The following PREB variants were observed in gnomAD, a reference collection of about 807,000 sequenced individuals.
PREB encodes the protein guanine nucleotide-exchange factor SEC12.
A neutral mutation model predicts 46.7 loss-of-function variants in PREB; 29 were observed. The ratio of observed to expected loss-of-function variants is 0.62; its 90% CI spans 0.46 to 0.85. The LOEUF is 0.85. Ranked by LOEUF, PREB falls within the 40% of genes least tolerant of loss-of-function variation. The pLI is 0.00. For synonymous variants in PREB, 224 were observed against 220.1 expected (o/e 1.02, Z -0.16); for missense variants, 494 against 528.4 (o/e 0.93, Z 0.64).
Position 27,132,970 on chromosome 2 carries a change from C to T in PREB, c.547-47G>A. On this transcript the variant is annotated intron_variant, in intron 3 of 8. Transcript: ENST00000260643. The surrounding 1 kb of genome is among the most constrained non-coding windows in gnomAD (Gnocchi z 4.0). ...GGTTAACTCAGGTGTCCAGCAAGTA[C>T]ACTGTGACTGATGCCCACGCCACCC... 1 of 1,606,364 alleles carries T rather than the reference C, an allele frequency of 6.2e-7. No homozygotes were observed. Among genetic ancestry groups the T allele is most frequent in the Non-Finnish European group, 8.5e-7 (1 of 1,173,348 alleles).
At position 27,131,509 on chromosome 2, in the gene PREB, C is replaced by G; in HGVS notation, c.1160-1G>C. ...AGCAGGAGCCACACAGGAACACTCCCTGCAGGAGGGAAAGGGAGGAGGTCA... is the reference window on the plus strand; with the variant it reads ...AGCAGGAGCCACACAGGAACACTCCGTGCAGGAGGGAAAGGGAGGAGGTCA... On this transcript the variant is annotated splice_acceptor_variant, in intron 8 of 8. Transcript: ENST00000260643. LOFTEE classifies it high-confidence loss of function. 6.3e-7 allele frequency: 1 copy of G among 1,592,058 alleles called. No individual in the cohort carries two copies. The highest frequency in any genetic ancestry group is 2.3e-5 in the East Asian group (1 of 43,502).
At position 27,132,292 on chromosome 2, in the gene PREB, G is replaced by C; in HGVS notation, c.864C>G (p.Ser288=). ...ACTTGGTCCGAAGGGGCAAGAAGTT[G>C]GAGCCATCCCAGGCTGTGAGGTAGC... is the stretch of plus-strand genomic sequence containing the variant. ...PPCYLTAWDG[S]NFLPLRTKSC... is the part of the protein sequence containing the mutation. The change falls in exon 6 of 9, where the codon TCC becomes TCG. Residue 288 remains serine (S), a synonymous_variant. Coordinates refer to ENST00000260643, the MANE Select transcript of PREB (RefSeq NM_013388.6). The surrounding 1 kb of genome is among the most constrained non-coding windows in gnomAD (Gnocchi z 4.0). 6.2e-7 allele frequency: 1 copy of C among 1,614,190 alleles called. No individual in the cohort carries two copies. The highest frequency in any genetic ancestry group is 8.5e-7 in the Non-Finnish European group (1 of 1,180,010).
intron 3 of PREB, 88 bp downstream of exon 3, chr2:27,133,029 C>G: frequency 6.3e-7 from 1 of 1,582,182 alleles, no homozygotes; most frequent in Non-Finnish European, 8.7e-7. Context: ...GCTTCATTCA[C>G]AAGTTTCCCA....
rs371239052 is a variant in PREB at position 27,133,557 on chromosome 2, C to A, written c.300G>T (p.Gln100His). 1.2e-6 allele frequency: 2 copies of A among 1,613,948 alleles called. No homozygotes were observed. Among genetic ancestry groups the A allele is most frequent in the Non-Finnish European group, 1.7e-6 (2 of 1,179,870 alleles). The change falls in exon 2 of 9, where the codon CAG becomes CAT. Residue 100 changes from glutamine (Q) to histidine (H), a missense_variant. Coordinates refer to ENST00000260643, the MANE Select transcript of PREB (RefSeq NM_013388.6). Reference protein sequence around the residue: ...CQLLRFQAHQQQGNKAEKAGS... With the variant: ...CQLLRFQAHQHQGNKAEKAGS... ...CGGCCTTCTCTGCCTTGTTGCCCTGCTGTTGATGTGCCTGGAAGCGCAGGA... is the reference window on the plus strand; with the variant it reads ...CGGCCTTCTCTGCCTTGTTGCCCTGATGTTGATGTGCCTGGAAGCGCAGGA...
Position 27,132,945 on chromosome 2 carries a change from G to C in PREB, c.547-22C>G. On this transcript the variant is annotated intron_variant, in intron 3 of 8. Coordinates refer to ENST00000260643, the MANE Select transcript of PREB (RefSeq NM_013388.6). The surrounding 1 kb of genome is among the most constrained non-coding windows in gnomAD (Gnocchi z 4.0). ...GCACCTGTAGCCAAACAACCACCAT[G>C]GTTAACTCAGGTGTCCAGCAAGTAC... The C allele has an allele frequency of 5.0e-6, 8 of 1,613,296 alleles. No homozygotes were observed. The highest frequency in any genetic ancestry group is 6.8e-6 in the Non-Finnish European group (8 of 1,179,444).
Position 27,131,737 on chromosome 2 carries a change from T to C in PREB, c.1094A>G (p.His365Arg). Residue 365 changes from histidine to arginine, a missense_variant, in exon 8 of 9, where the codon CAT (histidine) becomes CGT (arginine). Physicochemically the swap from His to Arg is conservative, Grantham distance 29. Transcript: ENST00000260643. ...KGRGPELLGS[H>R]ETALFSVAVD... ...AGCCACAGAGAACAGGGCAGTTTCA[T>C]GGGACCCAAGGAGCTCTGGACCACG... 6.2e-7 allele frequency: 1 copy of C among 1,614,112 alleles called. No homozygotes were observed. The highest frequency in any genetic ancestry group is 8.5e-7 in the Non-Finnish European group (1 of 1,180,000).
At chr2:27,134,026 C>G in intron 1 of PREB, 1 of 616,544 alleles carries the variant, frequency 1.6e-6, no homozygotes, top group Non-Finnish European at 2.8e-6. Context: ...TATAAGACCC[C>G]TGGAGCTGCT....
rs1306702825 is a variant in PREB at position 27,132,492 on chromosome 2, TG to T, written c.753-90del. The T allele has an allele frequency of 1.1e-5, 17 of 1,590,606 alleles. No homozygotes were observed. The East Asian group carries it at 3.6e-4, about 34-fold the overall frequency. ...GCACCACCTGCACCCTGGTCAGACCTGGGGTAACACTCAACAAGTTCCTCCC... is the reference window on the plus strand; with the variant it reads ...GCACCACCTGCACCCTGGTCAGACCTGGGTAACACTCAACAAGTTCCTCCC... On this transcript the variant is annotated intron_variant, in intron 5 of 8. Transcript: ENST00000260643. The surrounding 1 kb of genome is among the most constrained non-coding windows in gnomAD (Gnocchi z 4.0).
At position 27,132,123 on chromosome 2, in the gene PREB, T is replaced by C; in HGVS notation, c.927-41A>G. The C allele has an allele frequency of 1.2e-6, 2 of 1,610,230 alleles. No homozygotes were observed. Among genetic ancestry groups the C allele is most frequent in the Non-Finnish European group, 1.7e-6 (2 of 1,176,476 alleles). ...AAGAGCTCATTGTCCTGGAGGCTTGTGCAGCAACCCTCATACCCCAATACC... is the reference window on the plus strand; with the variant it reads ...AAGAGCTCATTGTCCTGGAGGCTTGCGCAGCAACCCTCATACCCCAATACC... On this transcript the variant is annotated intron_variant, in intron 6 of 8. Transcript: ENST00000260643. The surrounding 1 kb of genome is among the most constrained non-coding windows in gnomAD (Gnocchi z 4.0).
intron 8 of PREB, 51 bp downstream of exon 8, chr2:27,131,621 C>T (rs1304580252): frequency 6.2e-7 from 1 of 1,604,204 alleles, no homozygotes; most frequent in South Asian, 1.1e-5. Flanking sequence ...GGGCACGTTT[C>T]TGGTCATTAA....
Position 27,131,327 on chromosome 2 carries a change from G to T in PREB, c.*87C>A, listed in dbSNP as rs556040021. ...CAGCGGCAACCTCAGCTGTGGACCCGAATGGAGTGAGCAAAGGGAGTCCAG... is the reference window on the plus strand; with the variant it reads ...CAGCGGCAACCTCAGCTGTGGACCCTAATGGAGTGAGCAAAGGGAGTCCAG... On this transcript the variant is annotated 3_prime_UTR_variant, in exon 9 of 9. Coordinates refer to ENST00000260643, the MANE Select transcript of PREB (RefSeq NM_013388.6). 18 of 1,258,438 alleles carry T rather than the reference G, an allele frequency of 1.4e-5. No homozygotes were observed. The South Asian group carries it at 2.1e-4, about 14-fold the overall frequency. 78.0% of individuals were successfully genotyped at this position (1,258,438 alleles called of 1,614,324 possible).
chr2:27,133,628 G>A lies in PREB; in HGVS notation c.229C>T (p.Leu77=), dbSNP rs1426360970. The A allele has an allele frequency of 1.2e-6, 2 of 1,614,142 alleles. No individual in the cohort carries two copies. Among genetic ancestry groups the A allele is most frequent in the Admixed American group, 3.3e-5 (2 of 60,006 alleles). The part of the protein sequence containing the change: ...TETRATMNLA[L]AGDILAAGQD... Reference sequence around the variant, plus strand: ...CCTGCAGCAAGGATGTCACCAGCCAGTGCCAAGTTCATGGTGGCCCGTGTC... The same window carrying A: ...CCTGCAGCAAGGATGTCACCAGCCAATGCCAAGTTCATGGTGGCCCGTGTC... The change falls in exon 2 of 9, where the codon CTG becomes TTG. Residue 77 remains leucine (L), a synonymous_variant. Transcript: ENST00000260643.
intron 1 of PREB, 71 bp from the exon 2 acceptor site, chr2:27,133,792 G>T: frequency 6.9e-7 from 1 of 1,457,626 alleles, no homozygotes; most frequent in Non-Finnish European, 9.4e-7. Context: ...AGAGTCTGAT[G>T]TCTTACCCCT....
In PREB at chr2:27,133,100, A is replaced by G; in HGVS notation, c.546+17T>C. On this transcript the variant is annotated intron_variant, in intron 3 of 8. Coordinates refer to ENST00000260643, the MANE Select transcript of PREB (RefSeq NM_013388.6). ...TTGCTACTGACATTCACCCTCCCTAACCCTGCAAACCCACACCTTCCAGAC... is the reference window on the plus strand; with the variant it reads ...TTGCTACTGACATTCACCCTCCCTAGCCCTGCAAACCCACACCTTCCAGAC... 1 of 1,612,232 alleles carries G rather than the reference A, an allele frequency of 6.2e-7. No homozygotes were observed. Among genetic ancestry groups the G allele is most frequent in the Non-Finnish European group, 8.5e-7 (1 of 1,178,674 alleles).
rs375745583 is a variant in PREB, at chr2:27,132,730, A to G, written c.628-3T>C. ...AGGTCCCGGCCCACGGTTACCAACT[A>G]GTTAGGAATAAAGATTCCAAGGATG... On this transcript the variant is annotated splice_region_variant and splice_polypyrimidine_tract_variant and intron_variant, in intron 4 of 8. Coordinates refer to ENST00000260643, the MANE Select transcript of PREB (RefSeq NM_013388.6). This position sits in a 1 kb window ranked among gnomAD's most constrained non-coding sequence, Gnocchi z 4.0. 3.7e-6 allele frequency: 6 copies of G among 1,614,058 alleles called. No homozygotes were observed. Among genetic ancestry groups the G allele is most frequent in the Non-Finnish European group, 5.1e-6 (6 of 1,180,028 alleles).
Position 27,132,877 on chromosome 2 carries a change from T to C in PREB, c.593A>G (p.Glu198Gly), listed in dbSNP as rs1672341952. The C allele has an allele frequency of 6.2e-7, 1 of 1,612,642 alleles. No homozygotes were observed. Among genetic ancestry groups the C allele is most frequent in the African/African-American group, 1.3e-5 (1 of 74,526 alleles). ...AGGCCCTAAAGCCAGGTCTTCAATC[T>C]CCCCTTCGTGGGCTTTGAACTCCAG... The part of the protein sequence containing the change: ...KVLEFKAHEG[E>G]IEDLALGPDG... The change falls in exon 4 of 9, where the codon GAG becomes GGG. Residue 198 changes from glutamate (E) to glycine (G), a missense_variant. Transcript: ENST00000260643. The surrounding 1 kb of genome is among the most constrained non-coding windows in gnomAD (Gnocchi z 4.0).
Position 27,132,162 on chromosome 2 carries a change from C to G in PREB, c.926+68G>C. 1.2e-6 allele frequency: 2 copies of G among 1,609,736 alleles called. No homozygotes were observed. The highest frequency in any genetic ancestry group is 1.7e-6 in the Non-Finnish European group (2 of 1,176,016). On this transcript the variant is annotated intron_variant, in intron 6 of 8. Coordinates refer to ENST00000260643, the MANE Select transcript of PREB (RefSeq NM_013388.6). This position sits in a 1 kb window ranked among gnomAD's most constrained non-coding sequence, Gnocchi z 4.0. ...TACCCCAATACCGGTCCGTAGGGAC[C>G]CAGGCAGGACTCCTTTCCAAGCTCC... is the stretch of plus-strand genomic sequence containing the variant.
At chr2:27,134,030 A>G (rs941987765) in intron 1 of PREB, 6 of 617,362 alleles carry the variant, frequency 9.7e-6, no homozygotes, top group Non-Finnish European at 1.1e-5. Flanking sequence ...AGACCCCTGG[A>G]GCTGCTCTGA....
Position 27,131,738 on chromosome 2 carries a change from G to T in PREB, c.1093C>A (p.His365Asn). The change falls in exon 8 of 9, where the codon CAT becomes AAT. Residue 365 changes from histidine to asparagine, a missense_variant. By Grantham distance (68) the His-to-Asn change is moderately conservative. Transcript: ENST00000260643. ...GCCACAGAGAACAGGGCAGTTTCAT[G>T]GGACCCAAGGAGCTCTGGACCACGA... Reference protein sequence around the residue: ...KGRGPELLGSHETALFSVAVD... With the variant: ...KGRGPELLGSNETALFSVAVD... 1 of 1,614,104 alleles carries T rather than the reference G, an allele frequency of 6.2e-7. No homozygotes were observed. The highest frequency in any genetic ancestry group is 8.5e-7 in the Non-Finnish European group (1 of 1,179,982).
Sources: gnomAD v4.1 joint callset for allele counts on GRCh38, gnomAD v4.1.1 for gene constraint, Gnocchi (gnomAD v3.1) non-coding constraint, MANE v1.5 for transcripts, NCBI Gene and HGNC (gene_info 2026-07-23, HGNC 2026-07-21) for gene names.